Variants in PHEX observed in about 807,000 individuals in gnomAD.
The protein encoded by PHEX is phosphate regulating endopeptidase X-linked, also known as phosphate-regulating neutral endopeptidase PHEX.
A neutral mutation model predicts 68.0 loss-of-function variants in PHEX; 16 were observed. The ratio of observed to expected loss-of-function variants is 0.24; its 90% CI spans 0.16 to 0.36. The LOEUF (loss-of-function observed/expected upper bound fraction) is 0.36, where lower values mean the gene tolerates loss of function less well. Ranked by LOEUF, PHEX falls within the 10% of genes least tolerant of loss-of-function variation. The pLI is 1.00. For missense variants in PHEX, 480 were observed against 575.5 expected, an observed-to-expected ratio of 0.83 and a Z score of 1.70; for synonymous variants, 208 against 205.1, an observed-to-expected ratio of 1.01 and a Z score of -0.12.
At chrX:22,090,088 T>C (rs1022973012) in intron 5 of PHEX, among the ~76,000 whole-genome samples, 11 of 112,282 alleles carry the variant, frequency 9.8e-5, no homozygotes, top group Non-Finnish European at 1.3e-4. Flanking sequence ...ACAACAATTA[T>C]CTGGCTTTTG....
chrX:22,078,109 A>G (rs1033530650), intron 5 of PHEX, among the ~76,000 whole-genome samples: 15 of 112,114 alleles, frequency 1.3e-4, no homozygotes, highest in African/African-American at 4.5e-4. Flanking sequence ...TTCCTCTTTC[A>G]CTAACATTTT....
intron 12 of PHEX, among the ~76,000 whole-genome samples, chrX:22,152,383 T>C (rs1175386771): frequency 8.9e-6 from 1 of 112,077 alleles, no homozygotes; most frequent in African/African-American, 3.2e-5. Flanking sequence ...ATTGTTTCTG[T>C]TTCTGTTTAG....
intron 12 of PHEX, among the ~76,000 whole-genome samples, chrX:22,135,546 C>T (rs1932192391): frequency 9.0e-6 from 1 of 110,991 alleles, no homozygotes; most frequent in South Asian, 3.9e-4. Flanking sequence ...AGCTGGATGC[C>T]AGGGGAATGT....
intron 20 of PHEX, among the ~76,000 whole-genome samples, chrX:22,235,351 C>T (rs1261197167): frequency 1.8e-5 from 2 of 112,324 alleles, no homozygotes; most frequent in African/African-American, 6.5e-5. Context: ...GATTTGACAT[C>T]TTCTCTCCTG....
At chrX:22,193,825 T>A (rs7056173) in intron 15 of PHEX, among the ~76,000 whole-genome samples, 5,502 of 112,146 alleles carry the variant, frequency 0.049, 270 homozygotes, top group East Asian at 0.16. Flanking sequence ...AGAAGTTATC[T>A]ACCAGATAAT....
intron 12 of PHEX, among the ~76,000 whole-genome samples, chrX:22,155,230 T>A (rs1932925950): frequency 8.9e-6 from 1 of 112,815 alleles, no homozygotes; most frequent in African/African-American, 3.2e-5. Flanking sequence ...TCTAATTTAA[T>A]AATTCACCAA....
At chrX:22,160,334 A>G (rs1933077982) in intron 12 of PHEX, among the ~76,000 whole-genome samples, 1 of 110,956 alleles carries the variant, frequency 9.0e-6, no homozygotes, top group African/African-American at 3.3e-5. Flanking sequence ...GGATCACCTG[A>G]GGTCAGGAGT....
At chrX:22,198,566 A>G (rs1337282191) in intron 15 of PHEX, among the ~76,000 whole-genome samples, 1 of 111,416 alleles carries the variant, frequency 9.0e-6, no homozygotes, top group Non-Finnish European at 1.9e-5. Flanking sequence ...GCATTTAGGA[A>G]GAAGCACTGT....
At chrX:22,158,802 A>T (rs1933025387) in intron 12 of PHEX, among the ~76,000 whole-genome samples, 1 of 112,599 alleles carries the variant, frequency 8.9e-6, no homozygotes. Context: ...AAGTTGTAGT[A>T]TACAGTATTG....
At chrX:22,075,498 C>T (rs982205197) in intron 3 of PHEX, among the ~76,000 whole-genome samples, 2 of 110,654 alleles carry the variant, frequency 1.8e-5, no homozygotes, top group Non-Finnish European at 3.8e-5. Flanking sequence ...TGACATAGTT[C>T]GGTGAAGGCA....
chrX:22,178,121 C>T (rs760084547), intron 13 of PHEX, 152 bp from the exon 14 acceptor site: 4 of 367,739 alleles, frequency 1.1e-5, no homozygotes, highest in East Asian at 1.0e-4. Flanking sequence ...AATTTCATGG[C>T]TTTGTGACTT....
At position 22,249,799 on chromosome X, in the gene PHEX, T is replaced by C. The variant is rs1936520987; in HGVS notation, c.*1846T>C. Reference sequence around the variant, plus strand: ...TTTAGACATATAAGATACTCTGTTTTATTCCTGGACTTGGGTGTTTAAAAT... The same window carrying C: ...TTTAGACATATAAGATACTCTGTTTCATTCCTGGACTTGGGTGTTTAAAAT... On this transcript the variant is annotated 3_prime_UTR_variant, in exon 22 of 22. Coordinates refer to ENST00000379374, the MANE Select transcript of PHEX (RefSeq NM_000444.6). 1 of 110,715 alleles carries C rather than the reference T, an allele frequency of 9.0e-6. No individual in the cohort carries two copies. The highest frequency in any genetic ancestry group is 3.3e-5 in the African/African-American group (1 of 30,261). The allele number at this position is 110,715 out of a possible 1,213,427, so 9.1% of individuals were successfully genotyped here.
intron 2 of PHEX, among the ~76,000 whole-genome samples, chrX:22,041,979 G>A (rs1428172325): frequency 9.0e-6 from 1 of 111,369 alleles, no homozygotes. Flanking sequence ...TGATTTTGCT[G>A]TTTCTGGAGT....
chrX:22,231,513 T>C (rs1040319049), intron 20 of PHEX, among the ~76,000 whole-genome samples: 11 of 106,172 alleles, frequency 1.0e-4, no homozygotes, highest in African/African-American at 4.2e-4. Context: ...GGTGTATGCG[T>C]CCAGGAATTT....
chrX:22,240,745 C>A (rs1405502600), intron 20 of PHEX, among the ~76,000 whole-genome samples: 1 of 111,594 alleles, frequency 9.0e-6, no homozygotes, highest in East Asian at 2.8e-4. Flanking sequence ...TACAGGAGTA[C>A]CCAGATTCAT....
At chrX:22,186,195 G>C (rs1170770440) in intron 14 of PHEX, among the ~76,000 whole-genome samples, 1 of 111,945 alleles carries the variant, frequency 8.9e-6, no homozygotes, top group East Asian at 2.8e-4. Flanking sequence ...TGTATGTTGG[G>C]TTTCCTTACA....
chrX:22,107,232 AC>A (rs1419180989), intron 9 of PHEX, among the ~76,000 whole-genome samples: 2 of 111,570 alleles, frequency 1.8e-5, no homozygotes, highest in Non-Finnish European at 3.8e-5. Flanking sequence ...TGCTTCTCAA[AC>A]CCCAGTATAC....
At chrX:22,095,903 C>G (rs1444034979) in intron 7 of PHEX, among the ~76,000 whole-genome samples, 1 of 112,015 alleles carries the variant, frequency 8.9e-6, no homozygotes, top group Non-Finnish European at 1.9e-5. Flanking sequence ...GTAATTACAA[C>G]CAGGGAAGCA....
At chrX:22,167,487 A>ATTTATTTT (rs1424429207) in intron 12 of PHEX, among the ~76,000 whole-genome samples, 1 of 90,958 alleles carries the variant, frequency 1.1e-5, no homozygotes, top group African/African-American at 4.5e-5. Context: ...TAATTTTTTA[A>ATTTATTTT]TTTCTTTTTT....
Sources: gnomAD v4.1 joint callset for allele counts (sites outside exome capture counted in the v4.1 genomes callset) on GRCh38, gnomAD v4.1.1 for gene constraint, MANE v1.5 for transcripts, NCBI Gene and HGNC (gene_info 2026-07-23, HGNC 2026-07-21) for gene names.